Variants in HHIP observed in about 807,000 individuals in gnomAD.
HHIP encodes hedgehog interacting protein.
HHIP carries 12 observed loss-of-function variants against 74.0 expected under a neutral mutation model. The observed-to-expected ratio is 0.16, with a 90% CI of 0.10 to 0.26. The LOEUF is 0.26. HHIP is among the 10% of genes least tolerant of loss of function. HHIP has a pLI of 1.00. For synonymous variants in HHIP, 309 were observed against 311.6 expected (o/e 0.99, Z 0.09); for missense variants, 788 against 845.0 (o/e 0.93, Z 0.84).
intron 4 of HHIP, among the ~76,000 whole-genome samples, chr4:144,664,404 A>G (rs1035184633): frequency 6.6e-6 from 1 of 152,216 alleles, no homozygotes; most frequent in Non-Finnish European, 1.5e-5. Flanking sequence ...CATAATTATG[A>G]GTATCAAAAA....
intron 4 of HHIP, among the ~76,000 whole-genome samples, chr4:144,672,779 G>A (rs1729074182): frequency 6.6e-6 from 1 of 152,082 alleles, no homozygotes. Context: ...TCGGCTTACT[G>A]CAACCCCTGC....
In HHIP at chr4:144,741,384, T is replaced by TC. The variant is rs1731259114; in HGVS notation, c.*3428dup. ...TGCTGTTTTTTTTTTTTTTTTGGTTTCTTTTTTTTTTTTTTTGAGACGGAG... is the reference window on the plus strand; with the variant it reads ...TGCTGTTTTTTTTTTTTTTTTGGTTTCCTTTTTTTTTTTTTTTGAGACGGAG... On this transcript the variant is annotated 3_prime_UTR_variant, in exon 13 of 13. Coordinates refer to ENST00000296575, the MANE Select transcript of HHIP (RefSeq NM_022475.3). The TC allele has an allele frequency of 6.7e-6, 1 of 148,836 alleles. No homozygotes were observed. The allele number at this position is 148,836 out of a possible 1,614,324, so 9.2% of individuals were successfully genotyped here. A position where few individuals can be genotyped will look rare whatever the true frequency, so the allele number is the denominator to read the frequency against.
chr4:144,659,697 T>C lies in HHIP; in HGVS notation c.690T>C (p.Val230=). 6.3e-7 allele frequency: 1 copy of C among 1,585,036 alleles called. No individual in the cohort carries two copies. The highest frequency in any genetic ancestry group is 2.3e-5 in the East Asian group (1 of 44,362). The change falls in exon 4 of 13, where the codon GTT becomes GTC. Residue 230 remains valine, a synonymous_variant. Transcript: ENST00000296575. Reference sequence around the variant, plus strand: ...TTGTGAGTGGGCTGCGGCAGCCCGTTGGTGCCCTGCATAGTGGGGATGGCT... The same window carrying C: ...TTGTGAGTGGGCTGCGGCAGCCCGTCGGTGCCCTGCATAGTGGGGATGGCT... ...QEVVSGLRQP[V]GALHSGDGSQ...
rs114964882 is a variant in HHIP at position 144,716,195 on chromosome 4, C to T, written c.1678+765C>T. On this transcript the variant is annotated intron_variant, in intron 10 of 12. Coordinates refer to ENST00000296575, the MANE Select transcript of HHIP (RefSeq NM_022475.3). ...TTAGCCTCAGAGATAAATTTCTAGG[C>T]ATAAAGAAGAATGTATGTTTCCCAT... is the stretch of plus-strand genomic sequence containing the variant. Among the ~76,000 whole-genome samples, 968 of 152,208 alleles carry T rather than the reference C, an allele frequency of 6.4e-3. 16 individuals are homozygous for T. The highest frequency in any genetic ancestry group is 0.022 in the African/African-American group (915 of 41,540).
intron 4 of HHIP, among the ~76,000 whole-genome samples, chr4:144,690,452 A>T (rs1729617017): frequency 6.6e-6 from 1 of 152,330 alleles, no homozygotes; most frequent in African/African-American, 2.4e-5. Flanking sequence ...GACTTTGCAG[A>T]AGTGCTGGAG....
intron 4 of HHIP, among the ~76,000 whole-genome samples, chr4:144,677,905 G>A (rs1001474049): frequency 6.6e-6 from 1 of 152,026 alleles, no homozygotes; most frequent in African/African-American, 2.4e-5. Context: ...TTTATAAGAC[G>A]TGTAGACCCA....
At chr4:144,700,777 T>C (rs1729956275) in intron 4 of HHIP, among the ~76,000 whole-genome samples, 1 of 152,210 alleles carries the variant, frequency 6.6e-6, no homozygotes, top group Non-Finnish European at 1.5e-5. Flanking sequence ...GTGAGACCCA[T>C]GTTGAACTCT....
intron 11 of HHIP, among the ~76,000 whole-genome samples, chr4:144,725,498 T>C (rs1189707967): frequency 6.6e-6 from 1 of 152,206 alleles, no homozygotes; most frequent in Non-Finnish European, 1.5e-5. Flanking sequence ...CTTTGTATGA[T>C]ATGAAATTAA....
At chr4:144,682,484 A>G (rs1249704246) in intron 4 of HHIP, among the ~76,000 whole-genome samples, 2 of 152,216 alleles carry the variant, frequency 1.3e-5, no homozygotes, top group African/African-American at 2.4e-5. Context: ...AATATATGGG[A>G]AATCTCTATC....
rs756484826 is a variant in HHIP at position 144,737,248 on chromosome 4, GAGGA to G, written c.1910-509_1910-506del. Reference sequence around the variant, plus strand: ...TATGCTGTCTGCCCCCTGGAAGCAAGAGGAAGGAAGAATCCAAGGGAGTTTATAT... The same window carrying G: ...TATGCTGTCTGCCCCCTGGAAGCAAGAGGAAGAATCCAAGGGAGTTTATAT... On this transcript the variant is annotated intron_variant, in intron 12 of 12. Transcript: ENST00000296575. 1.1e-3 allele frequency among the ~76,000 whole-genome samples: 170 copies of G among 152,158 alleles called. 1 individual carries two copies. Among genetic ancestry groups the G allele is most frequent in the Non-Finnish European group, 1.8e-3 (125 of 68,018 alleles).
At chr4:144,666,090 T>C (rs750015228) in intron 4 of HHIP, among the ~76,000 whole-genome samples, 7 of 152,086 alleles carry the variant, frequency 4.6e-5, no homozygotes, top group Non-Finnish European at 7.4e-5. Flanking sequence ...CTAGAAAAAA[T>C]AAGAAAATCT....
intron 11 of HHIP, among the ~76,000 whole-genome samples, chr4:144,725,402 G>A (rs1492818): frequency 0.55 from 83,425 of 151,986 alleles, 23,590 homozygotes; most frequent in South Asian, 0.76. Flanking sequence ...AATTTGAACT[G>A]ACATTCCTGT....
chr4:144,661,873 T>C (rs915846752), intron 4 of HHIP, among the ~76,000 whole-genome samples: 1 of 152,242 alleles, frequency 6.6e-6, no homozygotes, highest in Admixed American at 6.5e-5. Flanking sequence ...TCAACTATTC[T>C]ATTTTTTCAG....
At chr4:144,708,427 G>C in intron 7 of HHIP, 116 bp downstream of exon 7, 1 of 975,976 alleles carries the variant, frequency 1.0e-6, no homozygotes, top group South Asian at 1.5e-5. Context: ...AGTATCTAAG[G>C]CCATGCCTCT....
At chr4:144,698,553 C>A (rs1729886596) in intron 4 of HHIP, among the ~76,000 whole-genome samples, 4 of 152,094 alleles carry the variant, frequency 2.6e-5, no homozygotes. Context: ...ATGACTGTAC[C>A]TTCTTGGAGG....
chr4:144,650,368 A>G (rs1728384259), intron 1 of HHIP, among the ~76,000 whole-genome samples: 1 of 152,138 alleles, frequency 6.6e-6, no homozygotes, highest in African/African-American at 2.4e-5. Flanking sequence ...TCTGAAGTAT[A>G]TTTAGTTTAA....
intron 4 of HHIP, among the ~76,000 whole-genome samples, chr4:144,683,971 G>A (rs1033164120): frequency 6.6e-6 from 1 of 151,642 alleles, no homozygotes; most frequent in African/African-American, 2.4e-5. Flanking sequence ...GCTGAGGCAG[G>A]AGAATTGCTT....
chr4:144,679,390 C>G (rs1729271037), intron 4 of HHIP, among the ~76,000 whole-genome samples: 2 of 152,104 alleles, frequency 1.3e-5, no homozygotes, highest in Non-Finnish European at 2.9e-5. Flanking sequence ...AATTAGATCC[C>G]ATTTGTTGAT....
At chr4:144,679,594 T>C (rs1011242368) in intron 4 of HHIP, among the ~76,000 whole-genome samples, 13 of 152,210 alleles carry the variant, frequency 8.5e-5, no homozygotes, top group Non-Finnish European at 1.8e-4. Flanking sequence ...TGTATATGGC[T>C]AGCCAGTTTT....
Sources: gnomAD v4.1 joint callset for allele counts (sites outside exome capture counted in the v4.1 genomes callset) on GRCh38, gnomAD v4.1.1 for gene constraint, MANE v1.5 for transcripts, NCBI Gene and HGNC (gene_info 2026-07-23, HGNC 2026-07-21) for gene names.